The following KCNN2 variants were observed in gnomAD, a reference collection of about 807,000 sequenced individuals.
The protein encoded by KCNN2 is potassium calcium-activated channel subfamily N member 2.
KCNN2 carries 24 observed loss-of-function variants against 55.5 expected under a neutral mutation model. That is an observed-to-expected ratio of 0.43 (90% CI 0.31 to 0.61). The LOEUF is 0.61. Ranked by LOEUF, KCNN2 falls within the 20% of genes least tolerant of loss-of-function variation. The pLI is 0.08. For synonymous variants in KCNN2, 431 were observed against 336.1 expected (o/e 1.28, Z -3.09); for missense variants, 754 against 853.6 (o/e 0.88, Z 1.45).
At chr5:114,256,565 C>A (rs1267090689) in intron 2 of KCNN2, among the ~76,000 whole-genome samples, 2 of 152,058 alleles carry the variant, frequency 1.3e-5, no homozygotes, top group African/African-American at 4.8e-5. Context: ...GTAATCATAA[C>A]CTTTCTGACT....
chr5:114,249,408 T>A (rs2112624658), intron 2 of KCNN2, among the ~76,000 whole-genome samples: 1 of 151,854 alleles, frequency 6.6e-6, no homozygotes, highest in Non-Finnish European at 1.5e-5. Context: ...TGCCTCAGCC[T>A]CCCAAGTAGC....
At chr5:114,356,072 C>T (rs980176744) in intron 2 of KCNN2, among the ~76,000 whole-genome samples, 2 of 151,958 alleles carry the variant, frequency 1.3e-5, no homozygotes, top group African/African-American at 4.8e-5. Flanking sequence ...TAATGAGAGG[C>T]GACTATATTC....
intron 1 of KCNN2, among the ~76,000 whole-genome samples, chr5:114,099,037 G>A (rs1222693329): frequency 6.6e-6 from 1 of 152,030 alleles, no homozygotes; most frequent in Non-Finnish European, 1.5e-5. Context: ...ATGACTTGAA[G>A]CAATTTTACC....
chr5:114,394,628 C>G (rs967137815), intron 2 of KCNN2, among the ~76,000 whole-genome samples: 1 of 152,170 alleles, frequency 6.6e-6, no homozygotes, highest in Non-Finnish European at 1.5e-5. Context: ...CTAGTATTTT[C>G]ATTTTCACAT....
intron 4 of KCNN2, among the ~76,000 whole-genome samples, chr5:114,472,614 C>CAG (rs1487027280): frequency 6.6e-6 from 1 of 152,142 alleles, no homozygotes; most frequent in East Asian, 1.9e-4. Context: ...AGTTGATCAC[C>CAG]TTGAAGGCCT....
chr5:114,449,913 C>G (rs1249100455), intron 3 of KCNN2, among the ~76,000 whole-genome samples: 1 of 149,576 alleles, frequency 6.7e-6, no homozygotes, highest in African/African-American at 2.4e-5. Context: ...CACACACGCG[C>G]GCGCTCGCGT....
Position 114,363,044 on chromosome 5 carries a change from C to G in KCNN2, c.905C>G (p.Thr302Ser). The stretch of plus-strand genomic sequence containing the variant: ...TATGGAACCGGCGGCGGAGGCAGCA[C>G]TGGAGGAGGCGGCGGCGGTGGCGGG... ...ALYGTGGGGSTGGGGGGGGSG... is the reference protein window; with the variant it reads ...ALYGTGGGGSSGGGGGGGGSG... Residue 302 changes from threonine (T) to serine (S), a missense_variant, in exon 1 of 8, where the codon ACT becomes AGT. Thr to Ser is a moderately conservative substitution (Grantham distance 58, BLOSUM62 1). Coordinates refer to ENST00000673685, the MANE Select transcript of KCNN2 (RefSeq NM_021614.4). 1.2e-6 allele frequency: 2 copies of G among 1,606,592 alleles called. No homozygotes were observed. The highest frequency in any genetic ancestry group is 1.7e-6 in the Non-Finnish European group (2 of 1,178,278).
At chr5:114,123,674 A>AT (rs931175651) in intron 1 of KCNN2, among the ~76,000 whole-genome samples, 1 of 151,576 alleles carries the variant, frequency 6.6e-6, no homozygotes, top group African/African-American at 2.4e-5. Context: ...CATTTTCTTA[A>AT]TTTTTTTGTC....
At chr5:114,454,876 A>C (rs1221412752) in intron 3 of KCNN2, among the ~76,000 whole-genome samples, 1 of 152,212 alleles carries the variant, frequency 6.6e-6, no homozygotes, top group Non-Finnish European at 1.5e-5. Context: ...CACGGGTTCT[A>C]TGACAATTTG....
At chr5:114,371,057 G>A (rs1757749372) in intron 2 of KCNN2, among the ~76,000 whole-genome samples, 1 of 152,190 alleles carries the variant, frequency 6.6e-6, no homozygotes, top group African/African-American at 2.4e-5. Context: ...AGGTAGAACA[G>A]ACTTACCAGT....
At chr5:114,062,884 T>C (rs1750361339) in intron 1 of KCNN2, among the ~76,000 whole-genome samples, 1 of 152,218 alleles carries the variant, frequency 6.6e-6, no homozygotes, top group Non-Finnish European at 1.5e-5. Flanking sequence ...GAACTCTTCA[T>C]TGCACTTAGG....
chr5:114,074,293 C>CATGT (rs1371308634), intron 1 of KCNN2, among the ~76,000 whole-genome samples: 4 of 144,510 alleles, frequency 2.8e-5, no homozygotes, highest in African/African-American at 1.0e-4. Flanking sequence ...GCCATGTTTG[C>CATGT]GTGTGTGTGT....
intron 3 of KCNN2, among the ~76,000 whole-genome samples, chr5:114,454,308 T>G (rs1760822174): frequency 6.6e-6 from 1 of 152,162 alleles, no homozygotes; most frequent in Non-Finnish European, 1.5e-5. Context: ...CCCTCCTTTT[T>G]GTGTCTTTTC....
intron 2 of KCNN2, among the ~76,000 whole-genome samples, chr5:114,230,286 T>A (rs1754331925): frequency 7.2e-6 from 1 of 138,706 alleles, no homozygotes; most frequent in Non-Finnish European, 1.5e-5. Context: ...TTTCTTTCTT[T>A]CTTTTTTTTA....
intron 3 of KCNN2, among the ~76,000 whole-genome samples, chr5:114,431,875 A>C (rs2150087264): frequency 6.6e-6 from 1 of 152,206 alleles, no homozygotes; most frequent in South Asian, 2.1e-4. Context: ...GTGTCCAGGT[A>C]TTTGAGATTT....
At chr5:114,396,250 G>A (rs1348702250) in intron 2 of KCNN2, among the ~76,000 whole-genome samples, 1 of 152,150 alleles carries the variant, frequency 6.6e-6, no homozygotes, top group Non-Finnish European at 1.5e-5. Context: ...ATGGTAGTCA[G>A]TATTTTATTA....
chr5:114,062,087 A>G (rs188430488), intron 1 of KCNN2, among the ~76,000 whole-genome samples: 1 of 151,790 alleles, frequency 6.6e-6, no homozygotes, highest in Admixed American at 6.6e-5. Flanking sequence ...TATTTATTTA[A>G]GATATATGGG....
chr5:114,085,315 G>A (rs1750991764), intron 1 of KCNN2, among the ~76,000 whole-genome samples: 1 of 151,830 alleles, frequency 6.6e-6, no homozygotes, highest in African/African-American at 2.4e-5. Flanking sequence ...GGGAATAACT[G>A]ACATCTTAAT....
At chr5:114,095,019 T>C (rs1450081679) in intron 1 of KCNN2, among the ~76,000 whole-genome samples, 1 of 152,208 alleles carries the variant, frequency 6.6e-6, no homozygotes, top group Non-Finnish European at 1.5e-5. Flanking sequence ...TTATTTTATA[T>C]GCAATATGCA....
Sources: gnomAD v4.1 joint callset for allele counts (sites outside exome capture counted in the v4.1 genomes callset) on GRCh38, gnomAD v4.1.1 for gene constraint, MANE v1.5 for transcripts, NCBI Gene and HGNC (gene_info 2026-07-23, HGNC 2026-07-21) for gene names.